The following CRISP2 variants were observed in gnomAD, a reference collection of about 807,000 sequenced individuals.
CRISP2 encodes cysteine-rich secretory protein 2.
Under a neutral mutation model 31.7 loss-of-function variants are expected in CRISP2, and 29 were observed. That is an observed-to-expected ratio of 0.92 (90% confidence interval 0.68 to 1.25). The LOEUF (loss-of-function observed/expected upper bound fraction) is 1.25, where lower values mean the gene tolerates loss of function less well. Ranked by LOEUF, CRISP2 falls within the 50% of genes most tolerant of loss-of-function variation. The pLI, the probability that CRISP2 is intolerant of heterozygous loss-of-function variation, is 0.00. For synonymous variants in CRISP2, 111 were observed against 101.4 expected (o/e 1.09, Z -0.57); for missense variants, 318 against 286.5 (o/e 1.11, Z -0.79).
intron 5 of CRISP2, among the ~76,000 whole-genome samples, chr6:49,700,198 T>G (rs1765429398): frequency 6.6e-6 from 1 of 152,142 alleles, no homozygotes; most frequent in Admixed American, 6.6e-5. Context: ...TGTGAAATAT[T>G]CTAATTATAT....
At chr6:49,690,192 T>C (rs538365366), downstream of CRISP2, among the ~76,000 whole-genome samples, 2 of 152,246 alleles carry the variant, frequency 1.3e-5, no homozygotes, top group South Asian at 2.1e-4. Flanking sequence ...GACATCTCCA[T>C]TCATGTGGTA....
chr6:49,711,839 G>A (rs1003363882), intron 2 of CRISP2, among the ~76,000 whole-genome samples: 5 of 152,112 alleles, frequency 3.3e-5, no homozygotes, highest in African/African-American at 1.2e-4. Context: ...TATATCACAG[G>A]TTTTTGCTTT....
At chr6:49,685,871 G>A in the CRISP2 span, among the ~76,000 whole-genome samples, 6 of 152,014 alleles carry the variant, frequency 3.9e-5, no homozygotes, top group Non-Finnish European at 5.9e-5. Context: ...ATTTTAATGA[G>A]TATGTAAGAC....
At chr6:49,691,159 C>CCA (rs1764039514), downstream of CRISP2, among the ~76,000 whole-genome samples, 1 of 151,950 alleles carries the variant, frequency 6.6e-6, no homozygotes. Flanking sequence ...CTTTCAAATG[C>CCA]CACCCCAATA....
the CRISP2 span, among the ~76,000 whole-genome samples, chr6:49,677,973 C>T: frequency 0.051 from 7,802 of 152,124 alleles, 289 homozygotes; most frequent in Non-Finnish European, 0.081. Flanking sequence ...ACTTGCAACT[C>T]CTACTAAAGA....
chr6:49,702,399 G>A (rs1439174751), intron 4 of CRISP2, among the ~76,000 whole-genome samples: 1 of 151,192 alleles, frequency 6.6e-6, no homozygotes, highest in Admixed American at 6.6e-5. Context: ...GTTTTCCATA[G>A]TGCTTGTAAT....
At chr6:49,677,122 T>C in the CRISP2 span, among the ~76,000 whole-genome samples, 2 of 152,128 alleles carry the variant, frequency 1.3e-5, no homozygotes, top group Non-Finnish European at 2.9e-5. Flanking sequence ...CTTTATTGTT[T>C]TCCTTAATCA....
At chr6:49,685,213 T>G in the CRISP2 span, among the ~76,000 whole-genome samples, 2 of 152,230 alleles carry the variant, frequency 1.3e-5, no homozygotes, top group Non-Finnish European at 1.5e-5. Context: ...AAATTTCCTC[T>G]AACTTAAAGT....
chr6:49,697,714 G>C, intron 8 of CRISP2, 146 bp downstream of exon 8: 1 of 1,529,108 alleles, frequency 6.5e-7, no homozygotes, highest in Non-Finnish European at 8.8e-7. Context: ...GAAGTTGAAA[G>C]TGTCTCAACC....
At chr6:49,682,654 C>T in the CRISP2 span, among the ~76,000 whole-genome samples, 424 of 52,296 alleles carry the variant, frequency 8.1e-3, 2 homozygotes, top group African/African-American at 0.038. Flanking sequence ...TTCTTTCTTT[C>T]TTTTCTTTCT....
At chr6:49,690,450 AAAGC>A (rs1057238188), downstream of CRISP2, among the ~76,000 whole-genome samples, 5 of 152,094 alleles carry the variant, frequency 3.3e-5, no homozygotes, top group Non-Finnish European at 5.9e-5. Context: ...AAGATAAACA[AAAGC>A]AAGGAAGTAT....
At chr6:49,699,301 CTTTATCCACT>C (rs943509807) in intron 6 of CRISP2, among the ~76,000 whole-genome samples, 3 of 151,906 alleles carry the variant, frequency 2.0e-5, no homozygotes, top group African/African-American at 2.4e-5. Flanking sequence ...TTTAAATCCA[CTTTATCCACT>C]TTTATCCACT....
intron 4 of CRISP2, 76 bp downstream of exon 4, chr6:49,709,055 C>T (rs776728201): frequency 2.6e-5 from 33 of 1,246,924 alleles, no homozygotes; most frequent in South Asian, 1.1e-4. Context: ...CTCTTACCCC[C>T]CTTTACTTTC....
chr6:49,701,120 G>T (rs1473049254), intron 4 of CRISP2, among the ~76,000 whole-genome samples: 4 of 151,998 alleles, frequency 2.6e-5, no homozygotes. Context: ...CCGATTTCTG[G>T]TTTCAAGGGA....
At chr6:49,682,674 CTCTT>C in the CRISP2 span, among the ~76,000 whole-genome samples, 6 of 136,706 alleles carry the variant, frequency 4.4e-5, no homozygotes, top group Middle Eastern at 3.8e-3. Context: ...TTTCTTCTCT[CTCTT>C]TCTGTCTCTT....
chr6:49,699,106 C>G (rs1286874295), intron 6 of CRISP2, among the ~76,000 whole-genome samples: 1 of 152,064 alleles, frequency 6.6e-6, no homozygotes, highest in African/African-American at 2.4e-5. Flanking sequence ...AGAAACACTT[C>G]ATAAATTATT....
At chr6:49,693,725 A>G (rs1764280130) in intron 9 of CRISP2, among the ~76,000 whole-genome samples, 1 of 152,036 alleles carries the variant, frequency 6.6e-6, no homozygotes, top group South Asian at 2.1e-4. Context: ...TGCTGTTGAG[A>G]CCATCTAATG....
intron 5 of CRISP2, 69 bp from the exon 6 acceptor site, chr6:49,699,960 G>T: frequency 2.2e-6 from 3 of 1,340,382 alleles, no homozygotes; most frequent in South Asian, 1.2e-5. Context: ...TTTATAATCT[G>T]ATTTGTAAAT....
chr6:49,706,035 C>A (rs1766958101), intron 4 of CRISP2, among the ~76,000 whole-genome samples: 1 of 152,230 alleles, frequency 6.6e-6, no homozygotes, highest in South Asian at 2.1e-4. Flanking sequence ...GTGGCAACTG[C>A]AAGTTAGTCC....
Sources: gnomAD v4.1 joint callset for allele counts (sites outside exome capture counted in the v4.1 genomes callset) on GRCh38, gnomAD v4.1.1 for gene constraint, MANE v1.5 for transcripts, NCBI Gene and HGNC (gene_info 2026-07-23, HGNC 2026-07-21) for gene names.